Variants in LYRM4 observed in about 807,000 individuals in gnomAD.
The protein encoded by LYRM4 is LYR motif containing 4.
In LYRM4, 9 loss-of-function variants were observed where a neutral mutation model predicts 11.7. That is an observed-to-expected ratio of 0.77 (90% CI 0.46 to 1.34). The LOEUF is 1.34. LYRM4 is among the 40% of genes most tolerant of loss of function. The probability of loss-of-function intolerance (pLI) is 0.00; values close to 1 mark genes in which losing one functional copy is unlikely to be tolerated. For missense variants in LYRM4, 133 were observed against 112.5 expected (o/e 1.18, Z -0.82); for synonymous variants, 42 against 40.4 (o/e 1.04, Z -0.15).
At position 5,109,104 on chromosome 6, in the gene LYRM4, C is replaced by T; in HGVS notation, c.*319G>A. The T allele has an allele frequency of 2.7e-6, 3 of 1,121,858 alleles. No homozygotes were observed. The highest frequency in any genetic ancestry group is 2.2e-6 in the Non-Finnish European group (2 of 913,686). 69.5% of individuals were successfully genotyped at this position (1,121,858 alleles called of 1,614,324 possible). On this transcript the variant is annotated 3_prime_UTR_variant, in exon 3 of 3. Coordinates refer to ENST00000330636, the MANE Select transcript of LYRM4 (RefSeq NM_020408.6). ...GATCATTCTTTTTATTGCCAAGGAC[C>T]AAGAAACAAAGTGTAGAAATGCTAT... is the stretch of plus-strand genomic sequence containing the variant.
chr6:5,085,346 T>C, the LYRM4 span: 2 of 622,940 alleles, frequency 3.2e-6, no homozygotes. Flanking sequence ...AACTACGTTG[T>C]CTTGTCGAGC....
At chr6:5,119,479 T>C (rs1053804974) in intron 2 of LYRM4, among the ~76,000 whole-genome samples, 10 of 152,086 alleles carry the variant, frequency 6.6e-5, no homozygotes, top group African/African-American at 2.4e-4. Context: ...GTTGTCTTTC[T>C]GAATGTCTCA....
chr6:5,160,556 T>C (rs1758694303), intron 2 of LYRM4, among the ~76,000 whole-genome samples: 2 of 152,176 alleles, frequency 1.3e-5, no homozygotes, highest in Admixed American at 6.5e-5. Flanking sequence ...CCACCAAGGC[T>C]GTTTTTTAAA....
chr6:5,123,115 G>C (rs1168389790), intron 2 of LYRM4, among the ~76,000 whole-genome samples: 1 of 152,216 alleles, frequency 6.6e-6, no homozygotes, highest in Non-Finnish European at 1.5e-5. Flanking sequence ...GCTGAAGGGA[G>C]CCCCAAAATG....
chr6:5,079,711 T>C, the LYRM4 span, among the ~76,000 whole-genome samples: 1 of 152,208 alleles, frequency 6.6e-6, no homozygotes, highest in East Asian at 1.9e-4. Context: ...AACATACTTC[T>C]CCTTATACCA....
intron 1 of LYRM4, among the ~76,000 whole-genome samples, chr6:5,222,528 C>T (rs1269714227): frequency 1.3e-5 from 2 of 152,008 alleles, no homozygotes; most frequent in Non-Finnish European, 2.9e-5. Context: ...AGAAGCCATT[C>T]CAAGTTAACA....
At chr6:5,235,369 C>T (rs2753255) in intron 1 of LYRM4, among the ~76,000 whole-genome samples, 57,883 of 151,974 alleles carry the variant, frequency 0.38, 12,968 homozygotes, top group African/African-American at 0.64. Context: ...CAAAGACCCA[C>T]AAGCCGATTT....
chr6:5,117,047 C>T (rs1763149574), intron 2 of LYRM4, among the ~76,000 whole-genome samples: 1 of 152,188 alleles, frequency 6.6e-6, no homozygotes. Flanking sequence ...GCCTCTGCCA[C>T]TTCCTGCCTA....
At chr6:5,054,177 G>A in the LYRM4 span, 18 of 928,498 alleles carry the variant, frequency 1.9e-5, no homozygotes, top group African/African-American at 1.6e-4. Context: ...AGGAAGAAAA[G>A]GGGTGGGAAA....
chr6:5,229,313 A>C (rs1763093542), intron 1 of LYRM4, among the ~76,000 whole-genome samples: 1 of 152,298 alleles, frequency 6.6e-6, no homozygotes, highest in Middle Eastern at 3.4e-3. Flanking sequence ...CAAATGAAAA[A>C]GGCTGTTGAG....
At chr6:5,124,614 T>C (rs1292432116) in intron 2 of LYRM4, among the ~76,000 whole-genome samples, 1 of 152,142 alleles carries the variant, frequency 6.6e-6, no homozygotes, top group Non-Finnish European at 1.5e-5. Context: ...TCAATCACCA[T>C]GATGGCAAGC....
At chr6:5,126,177 A>C (rs1763691991) in intron 2 of LYRM4, among the ~76,000 whole-genome samples, 1 of 152,218 alleles carries the variant, frequency 6.6e-6, no homozygotes, top group South Asian at 2.1e-4. Flanking sequence ...AGCTCTTCTG[A>C]TGCAGAACAA....
intron 1 of LYRM4, among the ~76,000 whole-genome samples, chr6:5,227,903 TG>T (rs1292529333): frequency 6.6e-6 from 1 of 152,128 alleles, no homozygotes; most frequent in African/African-American, 2.4e-5. Flanking sequence ...AAACACCACA[TG>T]TTCGCACTCG....
rs542840254 is a variant in LYRM4, at chr6:5,144,489, T to G, written c.208-34998A>C. On this transcript the variant is annotated intron_variant, in intron 2 of 2. Coordinates refer to ENST00000330636, the MANE Select transcript of LYRM4 (RefSeq NM_020408.6). ...CGTCTCTACTAAAAACACAAAAAAT[T>G]AGCCGGGCATGGCGGTGGGCGCCCG... is the stretch of plus-strand genomic sequence containing the variant. 7.7e-4 allele frequency among the ~76,000 whole-genome samples: 117 copies of G among 151,676 alleles called. 1 individual carries two copies. The highest frequency in any genetic ancestry group is 3.4e-3 in the Middle Eastern group (1 of 290).
intron 2 of LYRM4, among the ~76,000 whole-genome samples, chr6:5,144,624 C>CAGAA (rs1757603675): frequency 2.7e-5 from 1 of 37,596 alleles, no homozygotes; most frequent in African/African-American, 9.0e-5. Flanking sequence ...GACTCCGTCT[C>CAGAA]AAAAAAAAAA....
intron 1 of LYRM4, among the ~76,000 whole-genome samples, chr6:5,249,468 G>GT (rs1561901938): frequency 2.0e-4 from 30 of 152,130 alleles, no homozygotes; most frequent in Non-Finnish European, 3.8e-4. Context: ...TGTGATTTTT[G>GT]CTTTTTTTAT....
chr6:5,123,050 A>G (rs1763532008), intron 2 of LYRM4, among the ~76,000 whole-genome samples: 1 of 152,198 alleles, frequency 6.6e-6, no homozygotes, highest in African/African-American at 2.4e-5. Context: ...GGTCATCGGT[A>G]TACCAACATA....
intron 1 of LYRM4, among the ~76,000 whole-genome samples, chr6:5,221,346 T>C (rs1762568022): frequency 6.6e-6 from 1 of 152,224 alleles, no homozygotes; most frequent in African/African-American, 2.4e-5. Flanking sequence ...ATATACCCAA[T>C]TGCCTTTTGC....
At chr6:5,064,434 T>A in the LYRM4 span, among the ~76,000 whole-genome samples, 2 of 152,348 alleles carry the variant, frequency 1.3e-5, no homozygotes, top group South Asian at 4.1e-4. Flanking sequence ...AGCTTTCCCA[T>A]ACACCCCTCA....
Sources: gnomAD v4.1 joint callset for allele counts (sites outside exome capture counted in the v4.1 genomes callset) on GRCh38, gnomAD v4.1.1 for gene constraint, MANE v1.5 for transcripts, NCBI Gene and HGNC (gene_info 2026-07-23, HGNC 2026-07-21) for gene names.